The following RPRD1A variants were observed in gnomAD, a reference collection of about 807,000 sequenced individuals.
RPRD1A encodes regulation of nuclear pre-mRNA domain-containing protein 1A.
In RPRD1A, 9 loss-of-function variants were observed where a neutral mutation model predicts 37.8. That is an observed-to-expected ratio of 0.24 (90% CI 0.14 to 0.42). The LOEUF is 0.42. RPRD1A is among the 10% of genes least tolerant of loss of function. The pLI is 1.00. For missense variants in RPRD1A, 255 were observed against 371.0 expected (o/e 0.69, Z 2.57); for synonymous variants, 138 against 139.7 (o/e 0.99, Z 0.08).
chr18:36,056,390 C>T (rs766494777), intron 1 of RPRD1A, among the ~76,000 whole-genome samples: 12 of 152,020 alleles, frequency 7.9e-5, no homozygotes, highest in South Asian at 2.1e-4. Flanking sequence ...CAGGTTCAAG[C>T]GATTCTCCTG....
At chr18:36,027,640 G>A (rs576863383) in intron 4 of RPRD1A, 10 of 200,332 alleles carry the variant, frequency 5.0e-5, no homozygotes, top group African/African-American at 1.6e-4. Context: ...AGAGAAGGTA[G>A]GCTATAACAT....
chr18:35,996,602 CT>C (rs1909076775), intron 6 of RPRD1A, among the ~76,000 whole-genome samples: 1 of 152,096 alleles, frequency 6.6e-6, no homozygotes, highest in Admixed American at 6.6e-5. Flanking sequence ...ACGACATTTG[CT>C]ATTCAAAAAG....
At chr18:36,013,948 A>T (rs1367549079) in intron 6 of RPRD1A, among the ~76,000 whole-genome samples, 1 of 152,178 alleles carries the variant, frequency 6.6e-6, no homozygotes, top group Admixed American at 6.5e-5. Flanking sequence ...AGAGAAACTC[A>T]GATAATGGGA....
At chr18:36,053,700 T>A (rs1913559299) in intron 1 of RPRD1A, among the ~76,000 whole-genome samples, 1 of 152,020 alleles carries the variant, frequency 6.6e-6, no homozygotes, top group Non-Finnish European at 1.5e-5. Context: ...AATTACTGGG[T>A]CATATAGTAA....
intron 6 of RPRD1A, chr18:36,024,751 A>G (rs1021794786): frequency 6.6e-6 from 1 of 152,222 alleles, no homozygotes; most frequent in African/African-American, 2.4e-5. Context: ...GATTCAGAAA[A>G]CATAAATCTT....
At chr18:36,007,070 C>A (rs1598603398) in intron 6 of RPRD1A, among the ~76,000 whole-genome samples, 1 of 152,190 alleles carries the variant, frequency 6.6e-6, no homozygotes, top group East Asian at 1.9e-4. Context: ...TGTTCCCTTG[C>A]CACCCTGTGT....
At position 35,997,529 on chromosome 18, in the gene RPRD1A, TATTG is replaced by T. The variant is rs777184000; in HGVS notation, c.790-4233_790-4230del. Among the ~76,000 whole-genome samples, 24 of 152,356 alleles carry T rather than the reference TATTG, an allele frequency of 1.6e-4. 1 individual carries two copies. The highest frequency in any genetic ancestry group is 6.8e-3 in the Middle Eastern group (2 of 294). On this transcript the variant is annotated intron_variant, in intron 6 of 6. Transcript: ENST00000399022. ...CCAACATTCATAAGCAATTTCTTTA[TATTG>T]ATTTAGCTACACGCTTTTAAAAATT...
At chr18:36,031,573 C>A (rs1367906158) in intron 2 of RPRD1A, among the ~76,000 whole-genome samples, 1 of 151,998 alleles carries the variant, frequency 6.6e-6, no homozygotes, top group Non-Finnish European at 1.5e-5. Flanking sequence ...TAAGAGATAT[C>A]CGGAAGAGTA....
intron 6 of RPRD1A, among the ~76,000 whole-genome samples, chr18:36,022,688 T>C (rs549506702): frequency 6.6e-6 from 1 of 152,344 alleles, no homozygotes; most frequent in East Asian, 1.9e-4. Flanking sequence ...ATTGGCCAGA[T>C]GTAGTGATTC....
chr18:36,010,805 A>G (rs1910130902), intron 6 of RPRD1A, among the ~76,000 whole-genome samples: 1 of 152,198 alleles, frequency 6.6e-6, no homozygotes, highest in Non-Finnish European at 1.5e-5. Context: ...ATACTTTATT[A>G]CCTCCAGTTG....
intron 1 of RPRD1A, among the ~76,000 whole-genome samples, chr18:36,060,857 G>A (rs570121977): frequency 1.3e-5 from 2 of 152,116 alleles, no homozygotes; most frequent in South Asian, 4.2e-4. Flanking sequence ...AGCCCAGCAT[G>A]GTAGTGTGCA....
intron 6 of RPRD1A, among the ~76,000 whole-genome samples, chr18:35,999,394 T>C (rs1460311298): frequency 6.6e-6 from 1 of 152,154 alleles, no homozygotes; most frequent in Non-Finnish European, 1.5e-5. Context: ...GTTTTCAAAT[T>C]AGGAAGTGCT....
intron 4 of RPRD1A, 69 bp from the exon 5 acceptor site, chr18:36,027,379 T>C (rs1036084682): frequency 6.5e-7 from 1 of 1,538,198 alleles, no homozygotes; most frequent in Non-Finnish European, 9.0e-7. Flanking sequence ...TTTAATTTCA[T>C]ATTCTTTCAT....
intron 6 of RPRD1A, among the ~76,000 whole-genome samples, chr18:36,003,398 C>A (rs578062664): frequency 6.6e-6 from 1 of 152,230 alleles, no homozygotes; most frequent in South Asian, 2.1e-4. Context: ...AATACTGATG[C>A]AATTAACTTT....
At chr18:36,003,397 G>A (rs557915632) in intron 6 of RPRD1A, among the ~76,000 whole-genome samples, 1 of 152,284 alleles carries the variant, frequency 6.6e-6, no homozygotes, top group South Asian at 2.1e-4. Context: ...CAATACTGAT[G>A]CAATTAACTT....
chr18:36,019,866 C>G (rs982572910), intron 6 of RPRD1A, among the ~76,000 whole-genome samples: 1 of 152,134 alleles, frequency 6.6e-6, no homozygotes, highest in Non-Finnish European at 1.5e-5. Flanking sequence ...ATGGCAAAAC[C>G]CTGTCTCTAC....
intron 1 of RPRD1A, chr18:36,064,327 TC>T (rs2088976529): frequency 6.6e-6 from 1 of 152,544 alleles, no homozygotes; most frequent in Admixed American, 6.5e-5. Context: ...ACGAGCTCCC[TC>T]TGGGCTGCTA....
chr18:36,067,396 G>A lies in RPRD1A; in HGVS notation c.9C>T (p.Ala3=), dbSNP rs768331011. Residue 3 remains alanine, a synonymous_variant, in exon 1 of 7, where the codon GCC becomes GCT. Coordinates refer to ENST00000399022, the MANE Select transcript of RPRD1A (RefSeq NM_018170.5). MS[A]FSEAALEKKL... is the part of the protein sequence containing the mutation. ...TCTTCTCCAGCGCCGCCTCAGAGAA[G>A]GCTGACATCCCTCCGACACCACGTT... 1.1e-5 allele frequency: 18 copies of A among 1,606,854 alleles called. No individual in the cohort carries two copies. Among genetic ancestry groups the A allele is most frequent in the Non-Finnish European group, 1.5e-5 (18 of 1,176,936 alleles).
At chr18:36,028,476 T>G (rs1911537040) in intron 4 of RPRD1A, among the ~76,000 whole-genome samples, 1 of 152,218 alleles carries the variant, frequency 6.6e-6, no homozygotes, top group African/African-American at 2.4e-5. Context: ...ATATTATTTT[T>G]AAAATCATTC....
Sources: allele counts gnomAD v4.1 joint callset (sites outside exome capture counted in the v4.1 genomes callset), GRCh38; gene constraint gnomAD v4.1.1; transcripts MANE v1.5; gene names NCBI Gene and HGNC (gene_info 2026-07-23, HGNC 2026-07-21).